The following DGKB variants were observed in gnomAD, a reference collection of about 807,000 sequenced individuals.
DGKB encodes the protein diacylglycerol kinase beta, also known as 90 kDa diacylglycerol kinase.
A neutral mutation model predicts 114.3 loss-of-function variants in DGKB; 67 were observed. The observed-to-expected ratio is 0.59, with a 90% CI of 0.48 to 0.72. The LOEUF (loss-of-function observed/expected upper bound fraction) is 0.72. Ranked by LOEUF, DGKB falls within the 30% of genes least tolerant of loss-of-function variation. The pLI is 0.00. For missense variants in DGKB, 907 were observed against 975.2 expected (o/e 0.93, Z 0.93); for synonymous variants, 398 against 323.1 (o/e 1.23, Z -2.49).
chr7:14,888,450 G>A (rs1403904685), intron 1 of DGKB, among the ~76,000 whole-genome samples: 1 of 151,678 alleles, frequency 6.6e-6, no homozygotes, highest in East Asian at 1.9e-4. Flanking sequence ...CTCTTTGTGT[G>A]AATAAGGAGC....
chr7:14,839,712 C>T (rs1049442723), intron 2 of DGKB, among the ~76,000 whole-genome samples: 1 of 151,738 alleles, frequency 6.6e-6, no homozygotes, highest in Non-Finnish European at 1.5e-5. Flanking sequence ...ATTGTACATT[C>T]AGAGGCTCTA....
chr7:14,595,594 AT>A (rs1187845275), intron 17 of DGKB, among the ~76,000 whole-genome samples: 17 of 150,138 alleles, frequency 1.1e-4, no homozygotes, highest in African/African-American at 3.9e-4. Context: ...AAAGTGATGT[AT>A]ATATATAAAT....
At chr7:14,405,893 T>A (rs1312226089) in intron 21 of DGKB, among the ~76,000 whole-genome samples, 14 of 151,982 alleles carry the variant, frequency 9.2e-5, no homozygotes, top group Non-Finnish European at 2.1e-4. Flanking sequence ...TGGTGTCTTT[T>A]AGGAATAGAT....
chr7:14,349,516 C>G (rs1562987455), intron 21 of DGKB, among the ~76,000 whole-genome samples: 2 of 152,088 alleles, frequency 1.3e-5, no homozygotes, highest in South Asian at 2.1e-4. Flanking sequence ...CTCACTTTAG[C>G]AAACATATCA....
intron 17 of DGKB, among the ~76,000 whole-genome samples, chr7:14,599,090 C>T (rs931242182): frequency 1.3e-5 from 2 of 152,176 alleles, no homozygotes; most frequent in Admixed American, 6.5e-5. Flanking sequence ...ATCTCTCTTC[C>T]TTGGACGTGT....
chr7:14,255,607 C>A (rs1279308128), intron 23 of DGKB, among the ~76,000 whole-genome samples: 3 of 152,130 alleles, frequency 2.0e-5, no homozygotes, highest in Admixed American at 2.0e-4. Context: ...TTGCTAAAGA[C>A]TTTCACGTGT....
At chr7:14,462,093 A>T (rs1833167584) in intron 21 of DGKB, among the ~76,000 whole-genome samples, 1 of 152,226 alleles carries the variant, frequency 6.6e-6, no homozygotes, top group Non-Finnish European at 1.5e-5. Flanking sequence ...CTGGGTATTG[A>T]TGGAATGTAT....
At chr7:14,870,360 T>C (rs1852272777) in intron 1 of DGKB, among the ~76,000 whole-genome samples, 1 of 152,204 alleles carries the variant, frequency 6.6e-6, no homozygotes, top group African/African-American at 2.4e-5. Flanking sequence ...AATGAGTTAA[T>C]TCTGTAGAAA....
At chr7:14,227,685 T>C (rs377262502) in intron 23 of DGKB, among the ~76,000 whole-genome samples, 7 of 151,876 alleles carry the variant, frequency 4.6e-5, no homozygotes, top group African/African-American at 1.7e-4. Flanking sequence ...AAAATGCAAA[T>C]ACTAAAAGCA....
At chr7:14,392,705 C>A (rs1583605374) in intron 21 of DGKB, among the ~76,000 whole-genome samples, 1 of 152,144 alleles carries the variant, frequency 6.6e-6, no homozygotes, top group Admixed American at 6.5e-5. Flanking sequence ...TAGTTGACAA[C>A]AAAAGAGTTT....
At chr7:14,197,183 C>G (rs1341147515) in intron 23 of DGKB, among the ~76,000 whole-genome samples, 1 of 152,042 alleles carries the variant, frequency 6.6e-6, no homozygotes, top group East Asian at 1.9e-4. Context: ...GATTCTTTTT[C>G]TACCTCCTCT....
intron 20 of DGKB, among the ~76,000 whole-genome samples, chr7:14,516,231 A>T (rs1259598430): frequency 6.6e-6 from 1 of 152,194 alleles, no homozygotes; most frequent in Non-Finnish European, 1.5e-5. Flanking sequence ...TGTTGTTGGA[A>T]TTCTCAGCAA....
intron 20 of DGKB, among the ~76,000 whole-genome samples, chr7:14,539,080 G>T (rs1206679783): frequency 6.6e-6 from 1 of 152,032 alleles, no homozygotes; most frequent in South Asian, 2.1e-4. Flanking sequence ...GCACTATGGT[G>T]CTCATAGTTA....
intron 23 of DGKB, among the ~76,000 whole-genome samples, chr7:14,259,715 C>T (rs1341186063): frequency 6.6e-6 from 1 of 152,158 alleles, no homozygotes; most frequent in Non-Finnish European, 1.5e-5. Flanking sequence ...CGTGAGCCAC[C>T]GTGCCCAGCC....
chr7:14,398,617 G>GT (rs1822604737), intron 21 of DGKB, among the ~76,000 whole-genome samples: 1 of 151,944 alleles, frequency 6.6e-6, no homozygotes, highest in Non-Finnish European at 1.5e-5. Context: ...ATCATCTACA[G>GT]AAGTAAAAGA....
At chr7:14,754,364 G>A (rs1023511781) in intron 3 of DGKB, among the ~76,000 whole-genome samples, 9 of 151,934 alleles carry the variant, frequency 5.9e-5, no homozygotes, top group Non-Finnish European at 1.3e-4. Flanking sequence ...ATATTTTAGA[G>A]GATTAACAGA....
intron 1 of DGKB, among the ~76,000 whole-genome samples, chr7:14,974,442 T>C (rs1787675189): frequency 6.6e-6 from 1 of 152,094 alleles, no homozygotes; most frequent in Non-Finnish European, 1.5e-5. Context: ...TTAAAAATTA[T>C]GCAATATCCT....
intron 23 of DGKB, among the ~76,000 whole-genome samples, chr7:14,230,091 T>C (rs1791478523): frequency 6.6e-6 from 1 of 151,972 alleles, no homozygotes; most frequent in African/African-American, 2.4e-5. Context: ...TATGGGCTCA[T>C]ACTTACCTTG....
At chr7:14,791,690 ATTTT>A (rs1398828297) in intron 2 of DGKB, among the ~76,000 whole-genome samples, 1 of 152,080 alleles carries the variant, frequency 6.6e-6, no homozygotes, top group Admixed American at 6.6e-5. Context: ...TAATTATGAA[ATTTT>A]TATTTTCATC....
Sources: allele counts gnomAD v4.1 joint callset (sites outside exome capture counted in the v4.1 genomes callset), GRCh38; gene constraint gnomAD v4.1.1; transcripts MANE v1.5; gene names NCBI Gene and HGNC (gene_info 2026-07-23, HGNC 2026-07-21).